Variants in SYTL3 observed in about 807,000 individuals in gnomAD.
SYTL3 encodes the protein synaptotagmin-like protein 3.
SYTL3 carries 88 observed loss-of-function variants against 82.1 expected under a neutral mutation model. That is an observed-to-expected ratio of 1.07 (90% CI 0.90 to 1.28). The LOEUF (loss-of-function observed/expected upper bound fraction) is 1.28. SYTL3 is among the 50% of genes most tolerant of loss of function. The pLI is 0.00. For synonymous variants in SYTL3, 311 were observed against 289.4 expected, an observed-to-expected ratio of 1.07 and a Z score of -0.76; for missense variants, 831 against 757.6, an observed-to-expected ratio of 1.10 and a Z score of -1.14.
At chr6:158,671,077 T>G (rs1481105385) in intron 5 of SYTL3, among the ~76,000 whole-genome samples, 2 of 152,190 alleles carry the variant, frequency 1.3e-5, no homozygotes, top group Admixed American at 6.5e-5. Context: ...GTGCTGAGAT[T>G]ACAGGCGTGA....
At chr6:158,726,671 G>A in intron 11 of SYTL3, 1 of 287,386 alleles carries the variant, frequency 3.5e-6, no homozygotes, top group Non-Finnish European at 7.0e-6. Flanking sequence ...AGAGATCACT[G>A]GCTGGCTGGA....
At chr6:158,665,351 G>A (rs1220040978) in intron 4 of SYTL3, 44 bp from the exon 5 acceptor site, 1 of 1,535,886 alleles carries the variant, frequency 6.5e-7, no homozygotes, top group Non-Finnish European at 8.8e-7. Flanking sequence ...CCTGGGGTCA[G>A]GTGTTCCATC....
intron 12 of SYTL3, among the ~76,000 whole-genome samples, chr6:158,750,988 G>A (rs1788314447): frequency 6.6e-6 from 1 of 152,098 alleles, no homozygotes; most frequent in African/African-American, 2.4e-5. Flanking sequence ...TAGAGACAGG[G>A]TTTCACCATG....
At position 158,757,313 on chromosome 6, in the gene SYTL3, C is replaced by T. The variant is rs901363; in HGVS notation, c.1240C>T (p.Pro414Ser). 562,012 of 1,613,442 alleles carry T rather than the reference C, an allele frequency of 0.35. 107,290 individuals are homozygous for T. Among genetic ancestry groups the T allele is most frequent in the East Asian group, 0.8 (35,794 of 44,812 alleles). ...RRVFLGEVII[P>S]LATWDFEDST... ...AGTGTTTCTTGGAGAAGTGATCATT[C>T]CTCTGGCCACGTGGGACTTTGAAGA... is the stretch of plus-strand genomic sequence containing the variant. The change falls in exon 14 of 18, where the codon CCT becomes TCT. Residue 414 changes from proline (P) to serine (S), a missense_variant. By Grantham distance (74) the Pro-to-Ser change is moderately conservative (BLOSUM62 -1). Coordinates refer to ENST00000611299, the MANE Select transcript of SYTL3 (RefSeq NM_001242394.2).
chr6:158,653,074 G>C (rs1164091958), intron 2 of SYTL3, among the ~76,000 whole-genome samples: 1 of 152,226 alleles, frequency 6.6e-6, no homozygotes, highest in Non-Finnish European at 1.5e-5. Flanking sequence ...TTCTGTGTCA[G>C]ACTTTCTGAT....
Position 158,710,797 on chromosome 6 carries a change from T to A in SYTL3, c.516+2406T>A, listed in dbSNP as rs528070981. ...TTTTTTTTTTTTTGCTTTTTTCTTT[T>A]TTTGAGATGGAGTTTCACTCTTGTC... is the stretch of plus-strand genomic sequence containing the variant. On this transcript the variant is annotated intron_variant, in intron 8 of 17. Transcript: ENST00000611299. Among the ~76,000 whole-genome samples the A allele has an allele frequency of 3.3e-5, 5 of 152,206 alleles. No individual in the cohort carries two copies. The South Asian group carries it at 1.0e-3, about 32-fold the overall frequency.
At chr6:158,738,629 A>G (rs755206607) in intron 11 of SYTL3, among the ~76,000 whole-genome samples, 2 of 151,742 alleles carry the variant, frequency 1.3e-5, no homozygotes, top group East Asian at 1.9e-4. Context: ...TCCAGCTACC[A>G]CTTTTCTCTC....
chr6:158,646,131 T>A (rs1468354943), upstream of SYTL3, among the ~76,000 whole-genome samples: 4 of 152,186 alleles, frequency 2.6e-5, no homozygotes, highest in African/African-American at 9.7e-5. Context: ...AACATTTATT[T>A]ATTTATTTAT....
rs1788052793 is a variant in SYTL3, at chr6:158,651,811, G to GGAC, written c.-668_-667insGAC. On this transcript the variant is annotated 5_prime_UTR_variant, in exon 2 of 18. Coordinates refer to ENST00000611299, the MANE Select transcript of SYTL3 (RefSeq NM_001242394.2). ...CGGTGAATTGCAGTGATCTTTCAGAGAAAGCGCCTGTTCAACTTTGTCCTC... is the reference window on the plus strand; with the variant it reads ...CGGTGAATTGCAGTGATCTTTCAGAGGACAAAGCGCCTGTTCAACTTTGTCCTC... The GGAC allele has an allele frequency of 1.3e-5, 2 of 152,052 alleles. No homozygotes were observed. Among genetic ancestry groups the GGAC allele is most frequent in the South Asian group, 2.1e-4 (1 of 4,826 alleles). 9.4% of individuals were successfully genotyped at this position (152,052 alleles called of 1,614,324 possible). A position where few individuals can be genotyped will look rare whatever the true frequency, so the allele number is the denominator to read the frequency against.
intron 11 of SYTL3, chr6:158,726,876 G>A (rs1160109316): frequency 6.8e-6 from 1 of 146,828 alleles, no homozygotes; most frequent in Non-Finnish European, 1.5e-5. Context: ...TTGAGACAGA[G>A]TATTGCTCTG....
At chr6:158,718,866 T>C (rs1023475143) in intron 10 of SYTL3, among the ~76,000 whole-genome samples, 1 of 152,216 alleles carries the variant, frequency 6.6e-6, no homozygotes, top group East Asian at 1.9e-4. Context: ...GCAGTGTTGA[T>C]GTGACTGCCC....
intron 11 of SYTL3, among the ~76,000 whole-genome samples, chr6:158,733,003 T>C (rs536738006): frequency 5.3e-5 from 8 of 150,624 alleles, no homozygotes; most frequent in African/African-American, 1.9e-4. Context: ...TTGTAGAAAG[T>C]AAAAAGTTTC....
chr6:158,677,866 G>T (rs1778240407), intron 5 of SYTL3, among the ~76,000 whole-genome samples: 1 of 152,120 alleles, frequency 6.6e-6, no homozygotes, highest in Non-Finnish European at 1.5e-5. Context: ...TGCAGCTTCT[G>T]CTGCTGCTGC....
In SYTL3 at chr6:158,718,192, C is replaced by A; in HGVS notation, c.701C>A (p.Ala234Glu). 3 of 1,537,522 alleles carry A rather than the reference C, an allele frequency of 2.0e-6. No homozygotes were observed. Among genetic ancestry groups the A allele is most frequent in the South Asian group, 2.4e-5 (2 of 82,260 alleles). The change falls in exon 10 of 18, where the codon GCG becomes GAG. Residue 234 changes from alanine (A) to glutamate (E), a missense_variant. Coordinates refer to ENST00000611299, the MANE Select transcript of SYTL3 (RefSeq NM_001242394.2). The part of the protein sequence containing the change: ...QTERRSQSDT[A>E]VNVTTRKVSA... ...GAGAGACGGAGCCAGTCTGACACTG[C>A]GGTCAACGTCACCACCAGGGTACCC...
intron 6 of SYTL3, among the ~76,000 whole-genome samples, 158 bp downstream of exon 6, chr6:158,683,147 G>A (rs1031453400): frequency 3.3e-5 from 5 of 151,118 alleles, no homozygotes; most frequent in East Asian, 1.9e-4. Flanking sequence ...TGTAATTCAC[G>A]CTGCTCATTC....
chr6:158,760,050 G>A (rs1406240251), intron 14 of SYTL3, among the ~76,000 whole-genome samples: 1 of 152,066 alleles, frequency 6.6e-6, no homozygotes, highest in East Asian at 1.9e-4. Flanking sequence ...GGAGAAGGAT[G>A]GTGTGGATTT....
intron 8 of SYTL3, among the ~76,000 whole-genome samples, chr6:158,710,047 AAAAAC>A (rs1782585477): frequency 6.6e-6 from 1 of 152,202 alleles, no homozygotes; most frequent in Non-Finnish European, 1.5e-5. Context: ...CAAACAAACT[AAAAAC>A]AAAAACCATG....
intron 11 of SYTL3, among the ~76,000 whole-genome samples, chr6:158,727,650 C>T (rs963652694): frequency 6.6e-6 from 1 of 150,622 alleles, no homozygotes; most frequent in Admixed American, 6.6e-5. Context: ...CCGCCCACCT[C>T]CCATGGCCGT....
Position 158,723,588 on chromosome 6 carries a change from G to A in SYTL3, c.721-1915G>A, listed in dbSNP as rs556525224. Among the ~76,000 whole-genome samples, 17 of 152,116 alleles carry A rather than the reference G, an allele frequency of 1.1e-4. No homozygotes were observed. In the South Asian group the frequency reaches 3.1e-3, roughly 28 times the overall value. ...CTGTGCCGTTTTAAGTGTATAGTTC[G>A]CGGCATTGAAAACATTGCTAATGTT... is the stretch of plus-strand genomic sequence containing the variant. On this transcript the variant is annotated intron_variant, in intron 10 of 17. Coordinates refer to ENST00000611299, the MANE Select transcript of SYTL3 (RefSeq NM_001242394.2).
Sources: gnomAD v4.1 joint callset for allele counts (sites outside exome capture counted in the v4.1 genomes callset) on GRCh38, gnomAD v4.1.1 for gene constraint, MANE v1.5 for transcripts, NCBI Gene and HGNC (gene_info 2026-07-23, HGNC 2026-07-21) for gene names.